The following PCBD2 variants were observed in gnomAD, a reference collection of about 807,000 sequenced individuals.
PCBD2 encodes pterin-4 alpha-carbinolamine dehydratase 2.
PCBD2 carries 12 observed loss-of-function variants against 16.4 expected under a neutral mutation model. The ratio of observed to expected loss-of-function variants is 0.73; its 90% CI spans 0.47 to 1.19. The LOEUF (loss-of-function observed/expected upper bound fraction) is 1.19, where lower values mean the gene tolerates loss of function less well. Ranked by LOEUF, PCBD2 falls within the 50% of genes most tolerant of loss-of-function variation. The pLI is 0.00. For synonymous variants in PCBD2, 58 were observed against 61.8 expected, an observed-to-expected ratio of 0.94 and a Z score of 0.29; for missense variants, 138 against 156.8, an observed-to-expected ratio of 0.88 and a Z score of 0.64.
intron 2 of PCBD2, among the ~76,000 whole-genome samples, chr5:134,930,075 A>G (rs1351918723): frequency 2.0e-5 from 3 of 152,238 alleles, no homozygotes; most frequent in African/African-American, 4.8e-5. Flanking sequence ...GGATGGGGCA[A>G]CTGAAGCCCA....
Position 134,906,194 on chromosome 5 carries a change from ATTTTTT to A in PCBD2, c.84+993_84+998del, listed in dbSNP as rs1158334317. ...TGGCCTGAAATTCTTTAATAGAAGA[ATTTTTT>A]TTTTTTTTTTTTTTTTTTTTTGAGA... On this transcript the variant is annotated intron_variant, in intron 1 of 3. Coordinates refer to ENST00000254908, the MANE Select transcript of PCBD2 (RefSeq NM_032151.5). 9.6e-4 allele frequency among the ~76,000 whole-genome samples: 64 copies of A among 66,524 alleles called. 1 individual carries two copies. Among genetic ancestry groups the A allele is most frequent in the East Asian group, 4.9e-3 (9 of 1,820 alleles). The allele number at this position is 66,524 out of a possible 152,430, so 43.6% of individuals were successfully genotyped here.
intron 3 of PCBD2, among the ~76,000 whole-genome samples, chr5:134,959,464 G>A (rs1268194595): frequency 2.0e-5 from 3 of 152,114 alleles, no homozygotes; most frequent in Non-Finnish European, 4.4e-5. Context: ...GATAGATATG[G>A]CCTCATTTAT....
At chr5:134,914,793 T>C (rs1209796799) in intron 2 of PCBD2, among the ~76,000 whole-genome samples, 1 of 151,976 alleles carries the variant, frequency 6.6e-6, no homozygotes, top group Middle Eastern at 3.2e-3. Flanking sequence ...TGCCTCAGCC[T>C]CCAGAGTAGC....
chr5:134,940,339 G>T (rs1751210960), intron 2 of PCBD2, among the ~76,000 whole-genome samples: 1 of 152,182 alleles, frequency 6.6e-6, no homozygotes, highest in African/African-American at 2.4e-5. Context: ...GGTCTCCTGA[G>T]GCCTGGTTCT....
intron 2 of PCBD2, chr5:134,924,111 C>T (rs1024169544): frequency 3.5e-5 from 14 of 397,726 alleles, no homozygotes; most frequent in African/African-American, 1.9e-4. Flanking sequence ...GGTTGTAGCC[C>T]GTGCAAGAAT....
chr5:134,938,697 G>C (rs1330940878), intron 2 of PCBD2, among the ~76,000 whole-genome samples: 1 of 152,186 alleles, frequency 6.6e-6, no homozygotes, highest in Non-Finnish European at 1.5e-5. Context: ...CTTGAATGCT[G>C]TCTGAGAGGT....
At chr5:134,910,031 C>T (rs1750747473) in intron 1 of PCBD2, among the ~76,000 whole-genome samples, 1 of 152,216 alleles carries the variant, frequency 6.6e-6, no homozygotes, top group South Asian at 2.1e-4. Flanking sequence ...GATTGCACCA[C>T]TACGCTCCAG....
At chr5:134,923,084 CTG>C (rs1750926261) in intron 2 of PCBD2, among the ~76,000 whole-genome samples, 1 of 152,174 alleles carries the variant, frequency 6.6e-6, no homozygotes, top group African/African-American at 2.4e-5. Flanking sequence ...TCACAGAACT[CTG>C]TGAAATAGAT....
intron 1 of PCBD2, among the ~76,000 whole-genome samples, chr5:134,907,249 C>T (rs1750703989): frequency 6.6e-6 from 1 of 152,194 alleles, no homozygotes; most frequent in African/African-American, 2.4e-5. Context: ...TTTCAGAATT[C>T]TTTCTTTTTT....
At chr5:134,926,896 C>T in intron 2 of PCBD2, 1 of 398,378 alleles carries the variant, frequency 2.5e-6, no homozygotes, top group Non-Finnish European at 4.4e-6. Context: ...GTTACTAGCA[C>T]AGAGAGTTCT....
At chr5:134,908,128 C>T (rs1010267923) in intron 1 of PCBD2, among the ~76,000 whole-genome samples, 37 of 151,722 alleles carry the variant, frequency 2.4e-4, no homozygotes, top group African/African-American at 8.9e-4. Context: ...CATTGCGTTG[C>T]CCAGGCTAGT....
At chr5:134,927,058 A>G in intron 2 of PCBD2, 1 of 398,562 alleles carries the variant, frequency 2.5e-6, no homozygotes, top group Non-Finnish European at 4.4e-6. Context: ...GCTAGGCAGA[A>G]TAGTAATGAG....
At chr5:134,953,521 A>G (rs972762648) in intron 2 of PCBD2, among the ~76,000 whole-genome samples, 1 of 152,222 alleles carries the variant, frequency 6.6e-6, no homozygotes, top group South Asian at 2.1e-4. Flanking sequence ...CTGGCTGGGC[A>G]TTGTGGCTCA....
intron 2 of PCBD2, among the ~76,000 whole-genome samples, chr5:134,932,560 T>G (rs1373503553): frequency 6.6e-6 from 1 of 152,166 alleles, no homozygotes; most frequent in Non-Finnish European, 1.5e-5. Flanking sequence ...CAGGCTGGTC[T>G]TGAACTCCTG....
chr5:134,907,353 C>T (rs760182233), intron 1 of PCBD2, among the ~76,000 whole-genome samples: 1 of 152,134 alleles, frequency 6.6e-6, no homozygotes, highest in Admixed American at 6.5e-5. Flanking sequence ...AAGCGATTCT[C>T]CTGCCTCAGC....
At position 134,944,199 on chromosome 5, in the gene PCBD2, C is replaced by T. The variant is rs189762558; in HGVS notation, c.217-14841C>T. On this transcript the variant is annotated intron_variant, in intron 2 of 3. Transcript: ENST00000254908. ...AAACTTTAAACCCTTCCCTTAAGTT[C>T]CCCTAAAAACCTCCCTGTGCCTAGT... Among the ~76,000 whole-genome samples the T allele has an allele frequency of 5.4e-3, 817 of 152,212 alleles. 1 individual carries two copies. Among genetic ancestry groups the T allele is most frequent in the Non-Finnish European group, 8.1e-3 (552 of 68,008 alleles).
chr5:134,942,027 G>T (rs1177654983), intron 2 of PCBD2, among the ~76,000 whole-genome samples: 1 of 151,116 alleles, frequency 6.6e-6, no homozygotes, highest in East Asian at 1.9e-4. Context: ...CTACTTGGGG[G>T]GGCTGAGGCA....
At position 134,909,852 on chromosome 5, in the gene PCBD2, T is replaced by C. The variant is rs1451529199; in HGVS notation, c.85-483T>C. On this transcript the variant is annotated intron_variant, in intron 1 of 3. Transcript: ENST00000254908. ...GGGAGGTCCAGGTGGGCAGATCACT[T>C]GAGCTCAGGAATTCAAGGCCAGCCT... 2.0e-5 allele frequency among the ~76,000 whole-genome samples: 3 copies of C among 152,180 alleles called. No individual in the cohort carries two copies. The East Asian group carries it at 5.8e-4, about 29-fold the overall frequency.
At chr5:134,917,263 C>T (rs576300180) in intron 2 of PCBD2, among the ~76,000 whole-genome samples, 3 of 152,340 alleles carry the variant, frequency 2.0e-5, no homozygotes, top group South Asian at 2.1e-4. Flanking sequence ...CAGGTGGAGC[C>T]CTCCAGGGCA....
Sources: allele counts gnomAD v4.1 joint callset (sites outside exome capture counted in the v4.1 genomes callset), GRCh38; gene constraint gnomAD v4.1.1; transcripts MANE v1.5; gene names NCBI Gene and HGNC (gene_info 2026-07-23, HGNC 2026-07-21).